Variants in NPC1 observed in about 807,000 individuals in gnomAD.
NPC1 encodes NPC intracellular cholesterol transporter 1, also known as Niemann-Pick C1 protein.
NPC1 carries 85 observed loss-of-function variants against 140.4 expected under a neutral mutation model. The observed-to-expected ratio is 0.61, with a 90% CI of 0.51 to 0.72. NPC1 has a LOEUF of 0.72. NPC1 is among the 30% of genes least tolerant of loss of function. The pLI, the probability that NPC1 is intolerant of heterozygous loss-of-function variation, is 0.00. For missense variants in NPC1, 1,504 were observed against 1,623.8 expected, an observed-to-expected ratio of 0.93 and a Z score of 1.27; for synonymous variants, 656 against 624.8, an observed-to-expected ratio of 1.05 and a Z score of -0.74.
At chr18:23,524,899 T>C (rs1425453488), downstream of NPC1, among the ~76,000 whole-genome samples, 2 of 151,274 alleles carry the variant, frequency 1.3e-5, no homozygotes, top group African/African-American at 4.9e-5. Flanking sequence ...CTCCTCAGTC[T>C]GTTAATTGTC....
intron 5 of NPC1, among the ~76,000 whole-genome samples, chr18:23,560,952 T>C (rs1250762199): frequency 1.3e-5 from 2 of 152,226 alleles, no homozygotes; most frequent in Non-Finnish European, 2.9e-5. Flanking sequence ...GGAGAAACTA[T>C]GAACTAGTTA....
downstream of NPC1, among the ~76,000 whole-genome samples, chr18:23,525,534 C>T (rs1296687642): frequency 6.6e-6 from 1 of 152,198 alleles, no homozygotes; most frequent in Non-Finnish European, 1.5e-5. Context: ...AAGCGATTCT[C>T]CTGCCTCAGC....
At chr18:23,524,499 A>G (rs764249235), downstream of NPC1, 6 of 1,613,220 alleles carry the variant, frequency 3.7e-6, no homozygotes, top group Non-Finnish European at 4.2e-6. Context: ...CAGCGGGGAC[A>G]GTTGTCGTGT....
chr18:23,586,074 C>T (rs1306564039), intron 1 of NPC1, among the ~76,000 whole-genome samples: 1 of 152,240 alleles, frequency 6.6e-6, no homozygotes. Context: ...CAGAACAGGT[C>T]ACCCAAGCCC....
At chr18:23,576,387 A>G (rs2059279656) in intron 1 of NPC1, 1 of 717,540 alleles carries the variant, frequency 1.4e-6, no homozygotes, top group African/African-American at 1.9e-5. Flanking sequence ...GCACCTCTGC[A>G]CTCCAGCCTG....
rs772565983 is a variant in NPC1, at chr18:23,541,387, C to T, written c.2292G>A (p.Ala764=). 10 of 1,614,078 alleles carry T rather than the reference C, an allele frequency of 6.2e-6. No individual in the cohort carries two copies. The highest frequency in any genetic ancestry group is 1.7e-5 in the Admixed American group (1 of 59,998). ...GAAAGTCAATGAAGACTGCCAATCC[C>T]GCAAAGAGAGAGAAGGTGTGCACGG... ...MPAVHTFSLF[A]GLAVFIDFLL... The change falls in exon 15 of 25, where the codon GCG becomes GCA. Residue 764 remains alanine, a synonymous_variant. Transcript: ENST00000269228.
chr18:23,508,153 T>C (rs1310645100), intron 3 of NPC1: 2 of 934,762 alleles, frequency 2.1e-6, no homozygotes, highest in Non-Finnish European at 3.1e-6. Flanking sequence ...AGTCAGACTG[T>C]CCCTCATGTT....
chr18:23,559,197 CT>C (rs2059000034), intron 6 of NPC1, among the ~76,000 whole-genome samples: 1 of 152,132 alleles, frequency 6.6e-6, no homozygotes, highest in Admixed American at 6.5e-5. Flanking sequence ...GTGCATGTGT[CT>C]TTATAGCAGC....
chr18:23,543,582 A>T lies in NPC1; in HGVS notation c.2131-13T>A. On this transcript the variant is annotated splice_polypyrimidine_tract_variant and intron_variant, in intron 13 of 24. Transcript: ENST00000269228. The stretch of plus-strand genomic sequence containing the variant: ...GACGTTCATCTCTCTTAAAAAAAAA[A>T]AAAAAAAATTATGCGACATTAAAAT... 1 of 1,509,484 alleles carries T rather than the reference A, an allele frequency of 6.6e-7. No homozygotes were observed. The highest frequency in any genetic ancestry group is 9.2e-7 in the Non-Finnish European group (1 of 1,091,160). 93.5% of individuals were successfully genotyped at this position (1,509,484 alleles called of 1,614,324 possible). A position where few individuals can be genotyped will look rare whatever the true frequency, so the allele number is the denominator to read the frequency against.
intron 1 of NPC1, among the ~76,000 whole-genome samples, chr18:23,577,798 C>T (rs1325625515): frequency 6.6e-5 from 10 of 152,230 alleles, no homozygotes; most frequent in Non-Finnish European, 1.5e-5. Flanking sequence ...CAAGGCCCAG[C>T]GAGAAATCGA....
chr18:23,518,988 C>T (rs1397777684), downstream of NPC1: 1 of 1,613,688 alleles, frequency 6.2e-7, no homozygotes. Flanking sequence ...CGGTAGATTT[C>T]ATGCTTTGTT....
At chr18:23,563,690 G>C (rs982669840) in intron 4 of NPC1, among the ~76,000 whole-genome samples, 3 of 152,158 alleles carry the variant, frequency 2.0e-5, no homozygotes, top group African/African-American at 7.2e-5. Context: ...CTGGATTATA[G>C]GCATGAGCCA....
chr18:23,571,887 AT>A (rs2059209091), intron 3 of NPC1, among the ~76,000 whole-genome samples, 186 bp downstream of exon 3: 1 of 151,562 alleles, frequency 6.6e-6, no homozygotes. Context: ...ACATACATGT[AT>A]TTTTAATACA....
intron 6 of NPC1, 25 bp from the exon 7 acceptor site, chr18:23,557,215 G>A (rs1362407775): frequency 1.3e-6 from 2 of 1,561,236 alleles, no homozygotes; most frequent in Non-Finnish European, 1.8e-6. Flanking sequence ...TGAAGAAATA[G>A]CATTAGTGGA....
In NPC1 at chr18:23,545,036, A is replaced by G. The variant is rs776023867; in HGVS notation, c.1871T>C (p.Val624Ala). The G allele has an allele frequency of 6.2e-7, 1 of 1,600,134 alleles. No individual in the cohort carries two copies. The highest frequency in any genetic ancestry group is 1.7e-5 in the Admixed American group (1 of 58,924). The change falls in exon 12 of 25, where the codon GTT becomes GCT. Residue 624 changes from valine to alanine, a missense_variant. By Grantham distance (64) the Val-to-Ala change is moderately conservative. Coordinates refer to ENST00000269228, the MANE Select transcript of NPC1 (RefSeq NM_000271.5). ...NRESDSDVFT[V>A]VISYAIMFLY... ...AAACATGATGGCATAGCTAATTACA[A>G]CGGTGAAGACATCACTGTCACTTTC...
At chr18:23,533,837 A>G (rs2058581214) in intron 23 of NPC1, 4 of 390,230 alleles carry the variant, frequency 1.0e-5, no homozygotes, top group South Asian at 4.4e-5. Flanking sequence ...TCAAGGTTCA[A>G]AGCAATGGGA....
chr18:23,533,565 T>G, intron 23 of NPC1, 48 bp from the exon 24 acceptor site: 1 of 1,569,448 alleles, frequency 6.4e-7, no homozygotes, highest in South Asian at 1.1e-5. Flanking sequence ...CAACCTGTAA[T>G]TGAACAAAAA....
chr18:23,539,639 A>G, intron 18 of NPC1, 169 bp from the exon 19 acceptor site: 1 of 836,504 alleles, frequency 1.2e-6, no homozygotes. Flanking sequence ...TTAGGTGGTA[A>G]ATTAGTCCTT....
intron 6 of NPC1, 59 bp from the exon 7 acceptor site, chr18:23,557,249 T>G (rs1490257789): frequency 4.6e-6 from 6 of 1,308,984 alleles, no homozygotes; most frequent in South Asian, 1.2e-5. Flanking sequence ...AGGTTGTTTT[T>G]GGGACATTCC....
Sources: allele counts gnomAD v4.1 joint callset (sites outside exome capture counted in the v4.1 genomes callset), GRCh38; gene constraint gnomAD v4.1.1; transcripts MANE v1.5; gene names NCBI Gene and HGNC (gene_info 2026-07-23, HGNC 2026-07-21).